CBFA2T3: variants seen among roughly 807,000 people sequenced by gnomAD.
CBFA2T3 encodes the protein CBFA2/RUNX1 partner transcriptional co-repressor 3.
A neutral mutation model predicts 58.6 loss-of-function variants in CBFA2T3; 31 were observed. The observed-to-expected ratio is 0.53, with a 90% confidence interval of 0.40 to 0.71. The LOEUF is 0.71. CBFA2T3 is among the 30% of genes least tolerant of loss of function. The probability of loss-of-function intolerance (pLI) is 0.00; values close to 1 mark genes in which losing one functional copy is unlikely to be tolerated. For missense variants in CBFA2T3, 1,076 were observed against 963.1 expected, an observed-to-expected ratio of 1.12 and a Z score of -1.55; for synonymous variants, 531 against 421.9, an observed-to-expected ratio of 1.26 and a Z score of -3.17.
chr16:88,892,212 C>A, intron 4 of CBFA2T3, 32 bp downstream of exon 4: 1 of 1,592,912 alleles, frequency 6.3e-7, no homozygotes, highest in Non-Finnish European at 8.5e-7. Flanking sequence ...ATATGCATGT[C>A]CCAAGGCCCC....
At chr16:88,918,155 C>T (rs1221401495) in intron 1 of CBFA2T3, among the ~76,000 whole-genome samples, 1 of 152,136 alleles carries the variant, frequency 6.6e-6, no homozygotes, top group Admixed American at 6.5e-5. Context: ...CCCTGGGACC[C>T]CAGGACCCTG....
At chr16:88,884,824 C>A in intron 7 of CBFA2T3, 1 of 465,106 alleles carries the variant, frequency 2.2e-6, no homozygotes, top group Admixed American at 4.0e-5. Flanking sequence ...AGGCCCGAGG[C>A]CGCCCACCCC....
chr16:88,892,016 T>C, intron 4 of CBFA2T3, 45 bp from the exon 5 acceptor site: 1 of 1,534,308 alleles, frequency 6.5e-7, no homozygotes, highest in Non-Finnish European at 9.0e-7. Context: ...GCTCGGCATG[T>C]GAGCCAGCGC....
At chr16:88,970,533 C>T (rs564301764) in intron 1 of CBFA2T3, among the ~76,000 whole-genome samples, 1 of 152,230 alleles carries the variant, frequency 6.6e-6, no homozygotes, top group African/African-American at 2.4e-5. Context: ...GTGTCCTCAT[C>T]TGAGGTCAGC....
At chr16:88,967,681 G>T (rs1398506896) in intron 1 of CBFA2T3, among the ~76,000 whole-genome samples, 1 of 152,172 alleles carries the variant, frequency 6.6e-6, no homozygotes, top group Admixed American at 6.5e-5. Flanking sequence ...GCTGCCCTGC[G>T]TGGCTCCCGC....
At chr16:88,976,066 C>T (rs893346663) in intron 1 of CBFA2T3, among the ~76,000 whole-genome samples, 7 of 152,212 alleles carry the variant, frequency 4.6e-5, no homozygotes, top group Admixed American at 3.9e-4. Context: ...TCAGCAATAG[C>T]TGGCGTCCTG....
chr16:88,895,848 C>T (rs1310826357), intron 3 of CBFA2T3, among the ~76,000 whole-genome samples: 1 of 152,198 alleles, frequency 6.6e-6, no homozygotes, highest in East Asian at 1.9e-4. Context: ...GGACCGGCCG[C>T]CAGGCCCAGA....
chr16:88,952,206 A>G (rs894273190), intron 1 of CBFA2T3, among the ~76,000 whole-genome samples: 3 of 152,204 alleles, frequency 2.0e-5, no homozygotes, highest in Non-Finnish European at 4.4e-5. Context: ...AGGGTGGACA[A>G]TCTCCAAACC....
rs1970989571 is a variant in CBFA2T3, at chr16:88,923,576, GGCAGCTGGGGA to G, written c.152-21931_152-21921del. Among the ~76,000 whole-genome samples, 11 of 152,314 alleles carry G rather than the reference GGCAGCTGGGGA, an allele frequency of 7.2e-5. No individual in the cohort carries two copies. The South Asian group carries it at 2.1e-3, about 29-fold the overall frequency. The stretch of plus-strand genomic sequence containing the variant: ...CTGGGGAGCAACTGAGCCGTGAGGG[GGCAGCTGGGGA>G]GCAGCTGGGTTGTGAAGGGGCTGCA... On this transcript the variant is annotated intron_variant, in intron 1 of 11. Transcript: ENST00000268679.
intron 1 of CBFA2T3, chr16:88,937,101 C>A (rs1310827525): frequency 2.6e-5 from 4 of 152,262 alleles, no homozygotes; most frequent in Non-Finnish European, 5.9e-5. Flanking sequence ...CTGTTTCCCG[C>A]AGCACGGCCT....
At chr16:88,935,125 A>G (rs1369075287) in intron 1 of CBFA2T3, among the ~76,000 whole-genome samples, 3 of 152,134 alleles carry the variant, frequency 2.0e-5, no homozygotes, top group African/African-American at 7.2e-5. Flanking sequence ...GGAGTCCAGC[A>G]CCCAAGGCCC....
intron 1 of CBFA2T3, among the ~76,000 whole-genome samples, chr16:88,908,552 C>T (rs768495234): frequency 1.3e-5 from 2 of 152,178 alleles, no homozygotes; most frequent in South Asian, 2.1e-4. Context: ...TCCATCACTT[C>T]CCCGTCCGTG....
In CBFA2T3 at chr16:88,898,172, A is replaced by C. The variant is rs764649499; in HGVS notation, c.305-20T>G. 6.3e-7 allele frequency: 1 copy of C among 1,599,946 alleles called. No individual in the cohort carries two copies. The highest frequency in any genetic ancestry group is 8.6e-7 in the Non-Finnish European group (1 of 1,169,102). The stretch of plus-strand genomic sequence containing the variant: ...CTCGATCTGTAAGCAAAATAAGAAG[A>C]ACACGCTGTCAGGAGGGGCGTGGGC... On this transcript the variant is annotated intron_variant, in intron 2 of 11. Coordinates refer to ENST00000268679, the MANE Select transcript of CBFA2T3 (RefSeq NM_005187.6).
At chr16:88,930,462 C>G (rs192736836) in intron 1 of CBFA2T3, among the ~76,000 whole-genome samples, 1 of 152,082 alleles carries the variant, frequency 6.6e-6, no homozygotes, top group East Asian at 1.9e-4. Context: ...CGTCCATCAA[C>G]GGACACACAA....
At chr16:88,902,564 G>C (rs1173646711) in intron 1 of CBFA2T3, 1 of 152,258 alleles carries the variant, frequency 6.6e-6, no homozygotes, top group Non-Finnish European at 1.5e-5. Flanking sequence ...CAGAGAGCAG[G>C]ACCTGCAGAC....
intron 2 of CBFA2T3, 58 bp from the exon 3 acceptor site, chr16:88,898,210 C>A: frequency 7.4e-7 from 1 of 1,355,706 alleles, no homozygotes; most frequent in Non-Finnish European, 1.1e-6. Flanking sequence ...GAGACTCTGC[C>A]CTCAGGGGCG....
intron 1 of CBFA2T3, among the ~76,000 whole-genome samples, chr16:88,961,388 AC>A (rs1411164364): frequency 4.6e-5 from 7 of 151,538 alleles, no homozygotes; most frequent in African/African-American, 1.7e-4. Flanking sequence ...ATAGCAACTG[AC>A]CCTCAGCGCT....
chr16:88,941,049 G>A (rs1567624427), intron 1 of CBFA2T3: 20 of 985,762 alleles, frequency 2.0e-5, no homozygotes, highest in Non-Finnish European at 2.4e-5. Context: ...TCCGGCGGGC[G>A]GCGGACGGCG....
At chr16:88,975,178 A>ACCTG (rs1567643980) in intron 1 of CBFA2T3, among the ~76,000 whole-genome samples, 2 of 46,200 alleles carry the variant, frequency 4.3e-5, no homozygotes, top group Non-Finnish European at 6.2e-5. Flanking sequence ...TCTCTGCTCC[A>ACCTG]CATCTTTAGC....
Sources: gnomAD v4.1 joint callset for allele counts (sites outside exome capture counted in the v4.1 genomes callset) on GRCh38, gnomAD v4.1.1 for gene constraint, MANE v1.5 for transcripts, NCBI Gene and HGNC (gene_info 2026-07-23, HGNC 2026-07-21) for gene names.